ADCY5: variants seen among roughly 807,000 people sequenced by gnomAD.
The protein encoded by ADCY5 is adenylate cyclase 5, also known as adenylate cyclase type 5.
In ADCY5, 30 loss-of-function variants were observed where a neutral mutation model predicts 119.7. The ratio of observed to expected loss-of-function variants is 0.25; its 90% CI spans 0.19 to 0.34. ADCY5 has a LOEUF of 0.34. Among genes scored for constraint, ADCY5 ranks in the 10% least tolerant of loss-of-function variants. The pLI, the probability that ADCY5 is intolerant of heterozygous loss-of-function variation, is 1.00. For synonymous variants in ADCY5, 753 were observed against 762.2 expected (o/e 0.99, Z 0.20); for missense variants, 1,324 against 1,775.2 (o/e 0.75, Z 4.57).
At chr3:123,366,372 C>T (rs987665090) in intron 1 of ADCY5, among the ~76,000 whole-genome samples, 1 of 152,240 alleles carries the variant, frequency 6.6e-6, no homozygotes, top group Non-Finnish European at 1.5e-5. Flanking sequence ...TGCCTCCTTA[C>T]TTCCCCCTGA....
At chr3:123,350,229 A>G (rs888957295) in intron 2 of ADCY5, among the ~76,000 whole-genome samples, 5 of 152,188 alleles carry the variant, frequency 3.3e-5, no homozygotes, top group Admixed American at 2.0e-4. Flanking sequence ...GAAACGCCAC[A>G]TCAGTGGCCT....
intron 12 of ADCY5, among the ~76,000 whole-genome samples, chr3:123,308,692 G>A (rs1350745782): frequency 2.6e-5 from 4 of 152,232 alleles, no homozygotes; most frequent in South Asian, 4.1e-4. Context: ...AGCCGGGCTT[G>A]GTGGCAGGCA....
chr3:123,346,158 G>C (rs754688301), intron 3 of ADCY5, among the ~76,000 whole-genome samples: 2 of 152,216 alleles, frequency 1.3e-5, no homozygotes, highest in African/African-American at 4.8e-5. Context: ...GCTAGTGATC[G>C]TTCCACCATG....
At chr3:123,296,877 C>T in intron 16 of ADCY5, 1 of 932,460 alleles carries the variant, frequency 1.1e-6, no homozygotes, top group African/African-American at 1.7e-5. Context: ...GCCAAGAGCT[C>T]AACCCCTGGA....
intron 1 of ADCY5, among the ~76,000 whole-genome samples, chr3:123,366,983 A>G (rs1943464426): frequency 6.6e-6 from 1 of 152,256 alleles, no homozygotes; most frequent in Non-Finnish European, 1.5e-5. Flanking sequence ...AAAGACTTTC[A>G]GAGAAATCCC....
intron 15 of ADCY5, among the ~76,000 whole-genome samples, chr3:123,299,286 A>G (rs1402210605): frequency 6.6e-6 from 1 of 152,140 alleles, no homozygotes. Flanking sequence ...GAACATGCCT[A>G]ACTTGGTGCG....
At chr3:123,320,613 T>G (rs1576568757) in intron 9 of ADCY5, 136 bp downstream of exon 9, 5 of 1,226,538 alleles carry the variant, frequency 4.1e-6, no homozygotes, top group African/African-American at 1.5e-5. Context: ...ACGGCTAGGG[T>G]GGGCTCCATT....
chr3:123,443,423 G>A (rs958055302), intron 1 of ADCY5, among the ~76,000 whole-genome samples: 2 of 152,090 alleles, frequency 1.3e-5, no homozygotes, highest in Non-Finnish European at 2.9e-5. Context: ...CCAGGCCCAC[G>A]TCCACCACCT....
intron 8 of ADCY5, among the ~76,000 whole-genome samples, chr3:123,321,080 C>T (rs1941196706): frequency 1.3e-5 from 2 of 152,282 alleles, no homozygotes; most frequent in Non-Finnish European, 2.9e-5. Context: ...AATCTCTCCT[C>T]GCCATCCTCC....
intron 2 of ADCY5, among the ~76,000 whole-genome samples, chr3:123,349,165 C>T (rs973314006): frequency 6.6e-6 from 1 of 152,224 alleles, no homozygotes; most frequent in Non-Finnish European, 1.5e-5. Flanking sequence ...ACATCACACC[C>T]AAACCACACT....
chr3:123,295,165 G>A (rs1939420920), intron 17 of ADCY5, among the ~76,000 whole-genome samples: 1 of 152,212 alleles, frequency 6.6e-6, no homozygotes, highest in Non-Finnish European at 1.5e-5. Flanking sequence ...TCCTCACTCA[G>A]CATCCAACGA....
chr3:123,331,712 AAG>A (rs778392318), intron 4 of ADCY5, among the ~76,000 whole-genome samples: 11 of 151,940 alleles, frequency 7.2e-5, no homozygotes, highest in African/African-American at 9.7e-5. Context: ...CTGGCTCCCA[AAG>A]ATAGTTGAGA....
chr3:123,426,299 G>GCTT (rs1553748961), intron 1 of ADCY5, among the ~76,000 whole-genome samples: 5 of 97,950 alleles, frequency 5.1e-5, no homozygotes, highest in Non-Finnish European at 1.2e-4. Context: ...TTTCTTTTGT[G>GCTT]TTTTTTTTTT....
intron 17 of ADCY5, 65 bp downstream of exon 17, chr3:123,296,019 C>G: frequency 7.5e-6 from 12 of 1,592,850 alleles, no homozygotes; most frequent in Non-Finnish European, 1.0e-5. Context: ...AGCAGACGAG[C>G]CTGTTGTCTC....
chr3:123,282,526 C>T lies in ADCY5; in HGVS notation c.*2082G>A, dbSNP rs1334471698. On this transcript the variant is annotated 3_prime_UTR_variant, in exon 21 of 21. Coordinates refer to ENST00000462833, the MANE Select transcript of ADCY5 (RefSeq NM_183357.3). ...TGACCATGGGAGAACATGGGATGAA[C>T]TCAGCACACACACTTTACTCAGGTT... 1.3e-5 allele frequency: 2 copies of T among 152,388 alleles called. No homozygotes were observed. The highest frequency in any genetic ancestry group is 3.4e-3 in the Middle Eastern group (1 of 294). The allele number at this position is 152,388 out of a possible 1,614,324, so 9.4% of individuals were successfully genotyped here.
Position 123,306,129 on chromosome 3 carries a change from T to C in ADCY5, c.2443-1946A>G, listed in dbSNP as rs145005795. On this transcript the variant is annotated intron_variant, in intron 12 of 20. Coordinates refer to ENST00000462833, the MANE Select transcript of ADCY5 (RefSeq NM_183357.3). ...GACCCTCTGACCAAACCCTCTTATG[T>C]GGTAGAAGGAAAGGTGTGATCTGGA... 2.6e-3 allele frequency among the ~76,000 whole-genome samples: 400 copies of C among 152,308 alleles called. 3 individuals are homozygous for C. Among genetic ancestry groups the C allele is most frequent in the African/African-American group, 8.9e-3 (369 of 41,572 alleles).
chr3:123,335,659 G>A (rs1254615128), intron 3 of ADCY5, among the ~76,000 whole-genome samples: 1 of 152,170 alleles, frequency 6.6e-6, no homozygotes, highest in Non-Finnish European at 1.5e-5. Flanking sequence ...ACAGGTACAG[G>A]ACCCCCCTGA....
intron 1 of ADCY5, among the ~76,000 whole-genome samples, chr3:123,413,935 G>A (rs2107628180): frequency 6.6e-6 from 1 of 152,334 alleles, no homozygotes; most frequent in Middle Eastern, 3.4e-3. Flanking sequence ...GTGTGATCCT[G>A]TGTGTTCAGC....
At chr3:123,347,661 A>T in intron 3 of ADCY5, 121 bp downstream of exon 3, 1 of 1,305,040 alleles carries the variant, frequency 7.7e-7, no homozygotes, top group Non-Finnish European at 1.1e-6. Flanking sequence ...GCTCTAGATG[A>T]CACACTCCAA....
Sources: gnomAD v4.1 joint callset for allele counts (sites outside exome capture counted in the v4.1 genomes callset) on GRCh38, gnomAD v4.1.1 for gene constraint, MANE v1.5 for transcripts, NCBI Gene and HGNC (gene_info 2026-07-23, HGNC 2026-07-21) for gene names.